The following LGSN variants were observed in gnomAD, a reference collection of about 807,000 sequenced individuals.
The protein encoded by LGSN is lengsin, lens protein with glutamine synthetase domain, also known as lengsin.
Under a neutral mutation model 19.5 loss-of-function variants are expected in LGSN, and 21 were observed. The observed-to-expected ratio is 1.07, with a 90% CI of 0.76 to 1.55. LGSN has a LOEUF of 1.55. Among genes scored for constraint, LGSN ranks in the 40% most tolerant of loss-of-function variants. LGSN has a pLI of 0.00. For synonymous variants in LGSN, 257 were observed against 215.6 expected (o/e 1.19, Z -1.68); for missense variants, 673 against 608.5 (o/e 1.11, Z -1.12).
the LGSN span, among the ~76,000 whole-genome samples, chr6:63,383,371 T>TACACACACACACAC: frequency 7.2e-6 from 1 of 139,200 alleles, no homozygotes; most frequent in Non-Finnish European, 1.6e-5. Flanking sequence ...AACCATTACT[T>TACACACACACACAC]ACACACACAC....
chr6:63,377,857 T>G, the LGSN span, among the ~76,000 whole-genome samples: 1 of 135,944 alleles, frequency 7.4e-6, no homozygotes, highest in Admixed American at 8.7e-5. Context: ...GAGGTCGCAG[T>G]GAGCCGAGAT....
the LGSN span, among the ~76,000 whole-genome samples, chr6:63,516,293 C>T: frequency 2.0e-5 from 3 of 152,204 alleles, no homozygotes; most frequent in African/African-American, 7.2e-5. Flanking sequence ...CAAGTTGATA[C>T]CAGTACTGTG....
chr6:63,445,426 T>C, the LGSN span, among the ~76,000 whole-genome samples: 1 of 151,970 alleles, frequency 6.6e-6, no homozygotes, highest in East Asian at 1.9e-4. Flanking sequence ...GCGACCAGCC[T>C]GGCCAACATG....
chr6:63,457,208 C>G, the LGSN span, among the ~76,000 whole-genome samples: 1 of 152,132 alleles, frequency 6.6e-6, no homozygotes, highest in East Asian at 1.9e-4. Flanking sequence ...TTTCTACTTT[C>G]TAAAAATATA....
chr6:63,449,162 T>G, the LGSN span, among the ~76,000 whole-genome samples: 2 of 152,048 alleles, frequency 1.3e-5, no homozygotes, highest in African/African-American at 4.8e-5. Context: ...GAGACAACTG[T>G]ACCTATAAAA....
the LGSN span, among the ~76,000 whole-genome samples, chr6:63,388,659 A>C: frequency 1.3e-5 from 2 of 152,206 alleles, no homozygotes; most frequent in Non-Finnish European, 2.9e-5. Context: ...CTGTGAAGAA[A>C]TAAATTTCTA....
the LGSN span, among the ~76,000 whole-genome samples, chr6:63,438,278 C>T: frequency 6.6e-6 from 1 of 152,154 alleles, no homozygotes; most frequent in Non-Finnish European, 1.5e-5. Flanking sequence ...CATTACCATT[C>T]AGGACATAGG....
the LGSN span, among the ~76,000 whole-genome samples, chr6:63,331,277 C>G: frequency 6.6e-6 from 1 of 152,134 alleles, no homozygotes; most frequent in Non-Finnish European, 1.5e-5. Flanking sequence ...AAAGCTTGGA[C>G]ATAAGGTATT....
At chr6:63,390,191 G>A in the LGSN span, among the ~76,000 whole-genome samples, 13 of 137,090 alleles carry the variant, frequency 9.5e-5, 1 homozygote, top group East Asian at 2.2e-4. Flanking sequence ...GTGCAGTGGC[G>A]CAATCTTGTC....
the LGSN span, among the ~76,000 whole-genome samples, chr6:63,428,868 G>A: frequency 3.9e-5 from 6 of 152,142 alleles, no homozygotes; most frequent in Admixed American, 3.9e-4. Flanking sequence ...AAGAAACTAT[G>A]ATGGAGAAAA....
At chr6:63,310,032 C>G (rs1055925295) in intron 1 of LGSN, among the ~76,000 whole-genome samples, 1 of 152,222 alleles carries the variant, frequency 6.6e-6, no homozygotes, top group South Asian at 2.1e-4. Flanking sequence ...TCTGCATAAT[C>G]CAGGCTCTCA....
chr6:63,523,840 G>A, the LGSN span, among the ~76,000 whole-genome samples: 71 of 152,066 alleles, frequency 4.7e-4, no homozygotes, highest in Middle Eastern at 0.01. Flanking sequence ...GGACACCCCT[G>A]GCCTATAGCA....
the LGSN span, among the ~76,000 whole-genome samples, chr6:63,405,181 A>C: frequency 1.3e-5 from 2 of 151,942 alleles, no homozygotes; most frequent in East Asian, 1.9e-4. Flanking sequence ...TATATGTGCC[A>C]CATTTTCTTA....
chr6:63,326,630 G>C, the LGSN span, among the ~76,000 whole-genome samples: 3 of 152,152 alleles, frequency 2.0e-5, no homozygotes, highest in Admixed American at 1.3e-4. Context: ...GCAAGAAATC[G>C]AGCACAGCGC....
the LGSN span, among the ~76,000 whole-genome samples, chr6:63,570,042 T>A: frequency 6.6e-6 from 1 of 152,348 alleles, no homozygotes; most frequent in South Asian, 2.1e-4. Flanking sequence ...GAACATTTAA[T>A]GGATTGGTCA....
At chr6:63,567,727 C>T in the LGSN span, among the ~76,000 whole-genome samples, 1 of 152,232 alleles carries the variant, frequency 6.6e-6, no homozygotes, top group East Asian at 1.9e-4. Context: ...GCATTGACTT[C>T]TATAGCTATG....
At chr6:63,308,712 G>A (rs555803247) in intron 1 of LGSN, among the ~76,000 whole-genome samples, 1 of 151,986 alleles carries the variant, frequency 6.6e-6, no homozygotes, top group Non-Finnish European at 1.5e-5. Flanking sequence ...TAATGAGAGA[G>A]GTGCATGAAA....
At chr6:63,442,042 T>A in the LGSN span, among the ~76,000 whole-genome samples, 1 of 152,212 alleles carries the variant, frequency 6.6e-6, no homozygotes, top group South Asian at 2.1e-4. Context: ...GGGTTTGTGG[T>A]CTCACTGACT....
the LGSN span, among the ~76,000 whole-genome samples, chr6:63,426,377 C>T: frequency 2.6e-5 from 4 of 152,286 alleles, no homozygotes; most frequent in Non-Finnish European, 5.9e-5. Flanking sequence ...GATATTAGAA[C>T]TATGCAACCC....
Sources: allele counts gnomAD v4.1 joint callset (sites outside exome capture counted in the v4.1 genomes callset), GRCh38; gene constraint gnomAD v4.1.1; transcripts MANE v1.5; gene names NCBI Gene and HGNC (gene_info 2026-07-23, HGNC 2026-07-21).